TBX15: variants seen among roughly 807,000 people sequenced by gnomAD.
The protein encoded by TBX15 is T-box transcription factor 15, also known as T-box transcription factor TBX15.
A neutral mutation model predicts 53.9 loss-of-function variants in TBX15; 18 were observed. The ratio of observed to expected loss-of-function variants is 0.33; its 90% CI spans 0.23 to 0.49. TBX15 has a LOEUF of 0.49. TBX15 is among the 20% of genes least tolerant of loss of function. The probability of loss-of-function intolerance (pLI) is 0.98; values close to 1 mark genes in which losing one functional copy is unlikely to be tolerated. For missense variants in TBX15, 692 were observed against 749.5 expected (o/e 0.92, Z 0.90); for synonymous variants, 295 against 278.0 (o/e 1.06, Z -0.61).
chr1:118,905,979 A>C (rs1052831939), intron 6 of TBX15, among the ~76,000 whole-genome samples: 2 of 152,168 alleles, frequency 1.3e-5, no homozygotes, highest in African/African-American at 4.8e-5. Context: ...GTACACTGTC[A>C]TTAGCTGGAT....
At chr1:118,973,442 T>C (rs763032118) in intron 1 of TBX15, among the ~76,000 whole-genome samples, 1 of 150,426 alleles carries the variant, frequency 6.6e-6, no homozygotes, top group Non-Finnish European at 1.5e-5. Context: ...CTGACAAGAT[T>C]ATGGGCAAAA....
At chr1:118,935,067 G>C (rs1013617442) in intron 1 of TBX15, among the ~76,000 whole-genome samples, 22 of 152,236 alleles carry the variant, frequency 1.4e-4, no homozygotes, top group African/African-American at 5.3e-4. Flanking sequence ...AAAGCTTCTA[G>C]AAGGGTTAGG....
chr1:118,961,676 T>A (rs1656878300), intron 1 of TBX15, among the ~76,000 whole-genome samples: 1 of 152,188 alleles, frequency 6.6e-6, no homozygotes, highest in South Asian at 2.1e-4. Context: ...AAATTTCCTA[T>A]CTAGTACTAG....
chr1:118,953,332 T>C (rs1656579821), intron 1 of TBX15, among the ~76,000 whole-genome samples: 1 of 152,126 alleles, frequency 6.6e-6, no homozygotes, highest in Non-Finnish European at 1.5e-5. Flanking sequence ...CAAAATAGAA[T>C]GTACAAATAA....
chr1:118,932,704 G>C (rs1302521710), intron 1 of TBX15, among the ~76,000 whole-genome samples: 1 of 152,082 alleles, frequency 6.6e-6, no homozygotes, highest in African/African-American at 2.4e-5. Context: ...AAGTGGGGCT[G>C]GGGGGCAGGG....
At chr1:118,932,137 C>T (rs1408498488) in intron 1 of TBX15, among the ~76,000 whole-genome samples, 1 of 152,090 alleles carries the variant, frequency 6.6e-6, no homozygotes, top group Non-Finnish European at 1.5e-5. Flanking sequence ...ACTAATGTCA[C>T]CATGTTGAAG....
intron 1 of TBX15, among the ~76,000 whole-genome samples, chr1:118,945,125 T>C (rs1035249352): frequency 6.6e-6 from 1 of 152,212 alleles, no homozygotes; most frequent in African/African-American, 2.4e-5. Context: ...ACTCTGTTCA[T>C]GGACTATTCT....
chr1:118,901,638 T>G (rs907320283), intron 6 of TBX15, among the ~76,000 whole-genome samples: 2 of 152,216 alleles, frequency 1.3e-5, no homozygotes, highest in African/African-American at 4.8e-5. Flanking sequence ...ATATTTTAAA[T>G]CTAGGAAGAA....
chr1:118,957,677 T>C (rs1409515091), intron 1 of TBX15, among the ~76,000 whole-genome samples: 1 of 152,220 alleles, frequency 6.6e-6, no homozygotes, highest in African/African-American at 2.4e-5. Context: ...TGTGTCTATG[T>C]GTTCTCATTG....
chr1:118,923,329 G>T (rs1655486961), intron 5 of TBX15, 107 bp downstream of exon 5: 3 of 1,377,362 alleles, frequency 2.2e-6, no homozygotes, highest in South Asian at 2.5e-5. Flanking sequence ...GTGGACTAAG[G>T]GTTGTTGTAT....
chr1:118,979,895 G>A (rs1353856911), intron 1 of TBX15, among the ~76,000 whole-genome samples: 6 of 152,194 alleles, frequency 3.9e-5, no homozygotes, highest in Non-Finnish European at 8.8e-5. Flanking sequence ...CAGGAACTCG[G>A]GCTGGCACAC....
Position 118,958,887 on chromosome 1 carries a change from T to G in TBX15, c.206-27055A>C, listed in dbSNP as rs112315659. On this transcript the variant is annotated intron_variant, in intron 1 of 7. Coordinates refer to ENST00000369429, the MANE Select transcript of TBX15 (RefSeq NM_001330677.2). ...GAAGGAGCAAAAACAGAGGCTGGAATAGTAAATGAGAAGGAAGATTGGTAA... is the reference window on the plus strand; with the variant it reads ...GAAGGAGCAAAAACAGAGGCTGGAAGAGTAAATGAGAAGGAAGATTGGTAA... Among the ~76,000 whole-genome samples the G allele has an allele frequency of 5.9e-4, 90 of 152,268 alleles. 4 individuals carry two copies. Among genetic ancestry groups the G allele is most frequent in the African/African-American group, 1.9e-3 (81 of 41,556 alleles).
chr1:118,970,179 T>A (rs567195594), intron 1 of TBX15, among the ~76,000 whole-genome samples: 17 of 152,346 alleles, frequency 1.1e-4, no homozygotes, highest in Admixed American at 4.6e-4. Context: ...CAATTAAACA[T>A]CTTTTCTTCA....
chr1:118,960,884 C>T (rs748836505), intron 1 of TBX15, among the ~76,000 whole-genome samples: 1 of 152,182 alleles, frequency 6.6e-6, no homozygotes, highest in Admixed American at 6.5e-5. Flanking sequence ...TCATCCTGGA[C>T]TTGGCCCAAC....
At chr1:118,906,722 G>A (rs1571162489) in intron 6 of TBX15, among the ~76,000 whole-genome samples, 1 of 152,054 alleles carries the variant, frequency 6.6e-6, no homozygotes, top group African/African-American at 2.4e-5. Flanking sequence ...ATCCATTCCC[G>A]TAATGCAGTG....
intron 1 of TBX15, among the ~76,000 whole-genome samples, chr1:118,962,416 A>G (rs1416767350): frequency 1.3e-5 from 2 of 152,144 alleles, no homozygotes; most frequent in East Asian, 3.9e-4. Context: ...TCCCAAAAGT[A>G]AAGCAGGCTA....
chr1:118,931,505 C>T, intron 2 of TBX15, 114 bp downstream of exon 2: 2 of 1,111,698 alleles, frequency 1.8e-6, no homozygotes, highest in South Asian at 1.3e-5. Flanking sequence ...GAAGTGAGTG[C>T]AAGCTGCTTT....
At chr1:118,939,449 C>T (rs1289148111) in intron 1 of TBX15, among the ~76,000 whole-genome samples, 1 of 67,784 alleles carries the variant, frequency 1.5e-5, no homozygotes, top group Non-Finnish European at 3.2e-5. Flanking sequence ...AAAACAGGAA[C>T]AGAAAACCAA....
intron 6 of TBX15, among the ~76,000 whole-genome samples, chr1:118,909,557 T>C (rs1365640767): frequency 2.0e-5 from 3 of 151,868 alleles, no homozygotes; most frequent in Admixed American, 1.3e-4. Flanking sequence ...TGTTTTGTTG[T>C]TGTTGTTGTT....
Sources: gnomAD v4.1 joint callset for allele counts (sites outside exome capture counted in the v4.1 genomes callset) on GRCh38, gnomAD v4.1.1 for gene constraint, MANE v1.5 for transcripts, NCBI Gene and HGNC (gene_info 2026-07-23, HGNC 2026-07-21) for gene names.